Variants in PRR16 observed in about 807,000 individuals in gnomAD.
The protein encoded by PRR16 is proline rich 16.
Under a neutral mutation model 18.2 loss-of-function variants are expected in PRR16, and 6 were observed. The ratio of observed to expected loss-of-function variants is 0.33; its 90% CI spans 0.18 to 0.65. The LOEUF (loss-of-function observed/expected upper bound fraction) is 0.65. PRR16 is among the 30% of genes least tolerant of loss of function. PRR16 has a pLI of 0.74. For synonymous variants in PRR16, 151 were observed against 147.8 expected (o/e 1.02, Z -0.16); for missense variants, 412 against 376.6 (o/e 1.09, Z -0.78).
chr5:120,558,858 C>G (rs1463390625), intron 1 of PRR16, among the ~76,000 whole-genome samples: 1 of 151,802 alleles, frequency 6.6e-6, no homozygotes, highest in African/African-American at 2.4e-5. Flanking sequence ...AGATTATATT[C>G]CACTGTAATT....
At chr5:120,665,040 C>T (rs992471825) in intron 1 of PRR16, among the ~76,000 whole-genome samples, 2 of 149,550 alleles carry the variant, frequency 1.3e-5, no homozygotes, top group Non-Finnish European at 3.0e-5. Flanking sequence ...ACACTGACTT[C>T]CACAATGGTT....
At chr5:120,735,663 T>TTTGGTGTTG in the PRR16 span, among the ~76,000 whole-genome samples, 5 of 151,530 alleles carry the variant, frequency 3.3e-5, no homozygotes, top group African/African-American at 1.2e-4. Flanking sequence ...TACTCATATT[T>TTTGGTGTTG]TTGTTGTTGT....
chr5:120,783,007 A>G, the PRR16 span, among the ~76,000 whole-genome samples: 2 of 152,292 alleles, frequency 1.3e-5, no homozygotes, highest in East Asian at 3.9e-4. Flanking sequence ...AACTTACTCA[A>G]AGTTCATGCA....
At chr5:120,600,405 C>A (rs1485416704) in intron 1 of PRR16, among the ~76,000 whole-genome samples, 1 of 151,790 alleles carries the variant, frequency 6.6e-6, no homozygotes, top group East Asian at 1.9e-4. Flanking sequence ...ATTGCTCCAA[C>A]AACGCATAAT....
chr5:120,541,603 C>G (rs949598834), intron 1 of PRR16, among the ~76,000 whole-genome samples: 1 of 152,194 alleles, frequency 6.6e-6, no homozygotes, highest in Non-Finnish European at 1.5e-5. Context: ...ATATATTCAG[C>G]TACAGCAGAT....
chr5:120,498,698 C>T (rs1434012582), intron 1 of PRR16, among the ~76,000 whole-genome samples: 2 of 151,376 alleles, frequency 1.3e-5, no homozygotes, highest in Admixed American at 1.3e-4. Context: ...TAGGAAAGGT[C>T]GTCTAGTGAC....
intron 1 of PRR16, among the ~76,000 whole-genome samples, chr5:120,628,078 T>A (rs1754926213): frequency 6.6e-6 from 1 of 152,088 alleles, no homozygotes; most frequent in African/African-American, 2.4e-5. Flanking sequence ...GCTGTGGTTA[T>A]CATGTGAATT....
chr5:120,701,818 C>G, the PRR16 span, among the ~76,000 whole-genome samples: 3 of 152,110 alleles, frequency 2.0e-5, no homozygotes, highest in Admixed American at 1.3e-4. Context: ...AAAAGAATGC[C>G]TGGACGTCAG....
intron 1 of PRR16, among the ~76,000 whole-genome samples, chr5:120,669,484 A>C (rs1756517310): frequency 6.6e-6 from 1 of 152,104 alleles, no homozygotes; most frequent in Non-Finnish European, 1.5e-5. Flanking sequence ...ATGTGTTATT[A>C]GAATAGGTAG....
chr5:120,650,731 T>G (rs1457495963), intron 1 of PRR16, among the ~76,000 whole-genome samples: 1 of 152,208 alleles, frequency 6.6e-6, no homozygotes, highest in Non-Finnish European at 1.5e-5. Context: ...CTATCATTGT[T>G]GGACATTTGG....
At chr5:120,759,068 C>T in the PRR16 span, among the ~76,000 whole-genome samples, 3 of 150,250 alleles carry the variant, frequency 2.0e-5, no homozygotes, top group African/African-American at 7.4e-5. Flanking sequence ...GCTCTGCCTC[C>T]CAGGTTCACA....
chr5:120,725,499 A>C, the PRR16 span, among the ~76,000 whole-genome samples: 2 of 151,944 alleles, frequency 1.3e-5, no homozygotes, highest in African/African-American at 4.8e-5. Flanking sequence ...TCCGCACAAA[A>C]TTAAAACACA....
intron 1 of PRR16, among the ~76,000 whole-genome samples, chr5:120,638,157 T>G (rs1267726878): frequency 5.9e-5 from 9 of 152,116 alleles, no homozygotes; most frequent in Non-Finnish European, 1.3e-4. Flanking sequence ...TTGGGCTGCG[T>G]TTTCACTGTG....
chr5:120,751,894 A>G, the PRR16 span, among the ~76,000 whole-genome samples: 1 of 152,010 alleles, frequency 6.6e-6, no homozygotes, highest in African/African-American at 2.4e-5. Context: ...TATTCATTTA[A>G]GTTTGCCTCC....
At chr5:120,626,563 A>G (rs1025040099) in intron 1 of PRR16, among the ~76,000 whole-genome samples, 3 of 152,136 alleles carry the variant, frequency 2.0e-5, no homozygotes, top group Non-Finnish European at 2.9e-5. Flanking sequence ...ACTAAATAGC[A>G]TTTATCTAAA....
intron 1 of PRR16, among the ~76,000 whole-genome samples, chr5:120,530,720 G>T (rs1580692345): frequency 1.3e-5 from 2 of 152,070 alleles, no homozygotes; most frequent in African/African-American, 4.8e-5. Flanking sequence ...GGGGAGATGG[G>T]TAAGAGAAAG....
chr5:120,672,751 T>C (rs2150147824), intron 1 of PRR16, among the ~76,000 whole-genome samples: 1 of 152,322 alleles, frequency 6.6e-6, no homozygotes, highest in South Asian at 2.1e-4. Flanking sequence ...AACTTGAGGA[T>C]TTGTTTAATT....
At chr5:120,687,849 C>CA (rs1757165804), downstream of PRR16, among the ~76,000 whole-genome samples, 1 of 152,168 alleles carries the variant, frequency 6.6e-6, no homozygotes, top group African/African-American at 2.4e-5. Context: ...ACCAACTTAA[C>CA]AAACTTTACC....
chr5:120,757,565 T>G, the PRR16 span, among the ~76,000 whole-genome samples: 50 of 152,142 alleles, frequency 3.3e-4, no homozygotes, highest in African/African-American at 1.2e-3. Context: ...AAAAATAATG[T>G]GGTGTTTGAA....
Sources: allele counts gnomAD v4.1 joint callset (sites outside exome capture counted in the v4.1 genomes callset), GRCh38; gene constraint gnomAD v4.1.1; transcripts MANE v1.5; gene names NCBI Gene and HGNC (gene_info 2026-07-23, HGNC 2026-07-21).